NLRC5: variants seen among roughly 807,000 people sequenced by gnomAD.
The protein encoded by NLRC5 is protein NLRC5.
NLRC5 carries 114 observed loss-of-function variants against 206.9 expected under a neutral mutation model. The observed-to-expected ratio is 0.55, with a 90% confidence interval of 0.47 to 0.64. The LOEUF (loss-of-function observed/expected upper bound fraction) is 0.64. Ranked by LOEUF, NLRC5 falls within the 30% of genes least tolerant of loss-of-function variation. NLRC5 has a pLI of 0.00. For synonymous variants in NLRC5, 952 were observed against 962.8 expected (o/e 0.99, Z 0.21); for missense variants, 2,008 against 2,305.5 (o/e 0.87, Z 2.64).
chr16:57,057,996 G>C (rs1371202704), intron 27 of NLRC5, 69 bp from the exon 28 acceptor site: 2 of 1,269,626 alleles, frequency 1.6e-6, no homozygotes, highest in Non-Finnish European at 2.3e-6. Flanking sequence ...GCAGGCTCCT[G>C]GTGACTGAGG....
intron 5 of NLRC5, among the ~76,000 whole-genome samples, chr16:57,024,609 C>T (rs2061062640): frequency 6.6e-6 from 1 of 152,222 alleles, no homozygotes; most frequent in Non-Finnish European, 1.5e-5. Context: ...ATCGGTAATG[C>T]CTAGGCCTAC....
rs1369918359 is a variant in NLRC5, at chr16:57,070,629, A to T, written c.4667+11A>T. 3.1e-6 allele frequency: 5 copies of T among 1,610,162 alleles called. No individual in the cohort carries two copies. Among genetic ancestry groups the T allele is most frequent in the Non-Finnish European group, 4.2e-6 (5 of 1,177,174 alleles). ...GCTAAAGAGGCTGGAGTAAGTAGTG[A>T]TGGTGGTTGTGGGTGAGTGAGTGGT... On this transcript the variant is annotated intron_variant, in intron 38 of 48. Transcript: ENST00000688547.
At chr16:57,045,983 C>T (rs149589500) in intron 21 of NLRC5, among the ~76,000 whole-genome samples, 3 of 152,348 alleles carry the variant, frequency 2.0e-5, no homozygotes, top group African/African-American at 7.2e-5. Flanking sequence ...CTAGTGGGAC[C>T]AGGCCTCTTG....
chr16:57,082,356 G>T (rs995299311), intron 48 of NLRC5, 61 bp from the exon 49 acceptor site: 1 of 1,347,156 alleles, frequency 7.4e-7, no homozygotes, highest in African/African-American at 1.4e-5. Flanking sequence ...CTCCCAATCT[G>T]CAGATACGAC....
intron 2 of NLRC5, among the ~76,000 whole-genome samples, chr16:57,017,771 A>C (rs2060239570): frequency 6.6e-6 from 1 of 152,258 alleles, no homozygotes; most frequent in Non-Finnish European, 1.5e-5. Flanking sequence ...AGCAAGTTTC[A>C]TGGCTGTGCC....
At chr16:57,024,360 C>T (rs957518930) in intron 5 of NLRC5, among the ~76,000 whole-genome samples, 1 of 152,196 alleles carries the variant, frequency 6.6e-6, no homozygotes, top group Non-Finnish European at 1.5e-5. Flanking sequence ...TCAGAATGGT[C>T]CTCGTTCTCC....
rs188766091 is a variant in NLRC5 at position 57,082,743 on chromosome 16, G to A, written c.*215G>A. ...TGGACAAAGGAGTACCCTGCATTAC[G>A]TGGGATATGTGTGATCAATTGGGGA... On this transcript the variant is annotated 3_prime_UTR_variant, in exon 49 of 49. Coordinates refer to ENST00000688547, the MANE Select transcript of NLRC5 (RefSeq NM_001384950.1). The A allele has an allele frequency of 6.4e-5, 31 of 484,020 alleles. No individual in the cohort carries two copies. Among genetic ancestry groups the A allele is most frequent in the African/African-American group, 9.8e-5 (5 of 51,246 alleles). 30.0% of individuals were successfully genotyped at this position (484,020 alleles called of 1,614,324 possible).
chr16:57,026,035 G>A lies in NLRC5; in HGVS notation c.1092G>A (p.Met364Ile), dbSNP rs575248573. The A allele has an allele frequency of 3.7e-6, 6 of 1,614,040 alleles. No homozygotes were observed. In the Admixed American group the frequency reaches 8.3e-5, roughly 22 times the overall value. Reference sequence around the variant, plus strand: ...CTGCAGAGGCAGCCATGGTCCACATGTTGGGCTTTGATGGGCCACGGGTGG... The same window carrying A: ...CTGCAGAGGCAGCCATGGTCCACATATTGGGCTTTGATGGGCCACGGGTGG... ...CLPAEAAMVH[M>I]LGFDGPRVEE... is the part of the protein sequence containing the mutation. Residue 364 changes from methionine to isoleucine, a missense_variant, in exon 6 of 49, where the codon ATG becomes ATA. By Grantham distance (10) the Met-to-Ile change is conservative. Transcript: ENST00000688547.
chr16:57,077,636 C>A, intron 41 of NLRC5, 83 bp from the exon 42 acceptor site: 1 of 1,369,180 alleles, frequency 7.3e-7, no homozygotes, highest in Non-Finnish European at 1.0e-6. Flanking sequence ...CCCCCTGAAG[C>A]AGGGGTGGCA....
chr16:57,040,682 T>A lies in NLRC5; in HGVS notation c.2903T>A (p.Met968Lys). The A allele has an allele frequency of 6.2e-7, 1 of 1,614,170 alleles. No individual in the cohort carries two copies. The highest frequency in any genetic ancestry group is 8.5e-7 in the Non-Finnish European group (1 of 1,180,006). Residue 968 changes from methionine (M) to lysine (K), a missense_variant, in exon 17 of 49, where the codon ATG becomes AAG. Transcript: ENST00000688547. ...AAFLDSLMLQ[M>K]PSELPLSSRR... Reference sequence around the variant, plus strand: ...TTTCTTGACAGCCTCATGCTCCAGATGCCCTCTGAGCTGCCTCTGAGCTCC... The same window carrying A: ...TTTCTTGACAGCCTCATGCTCCAGAAGCCCTCTGAGCTGCCTCTGAGCTCC...
At chr16:57,000,379 C>T (rs1301090704) in intron 1 of NLRC5, among the ~76,000 whole-genome samples, 1 of 152,164 alleles carries the variant, frequency 6.6e-6, no homozygotes, top group African/African-American at 2.4e-5. Flanking sequence ...AGTTTAAAGA[C>T]TAGTGATGTG....
rs369396098 is a variant in NLRC5, at chr16:57,024,965, G to A, written c.425-403G>A. Among the ~76,000 whole-genome samples the A allele has an allele frequency of 2.4e-3, 361 of 152,228 alleles. 1 individual carries two copies. The highest frequency in any genetic ancestry group is 0.01 in the Middle Eastern group (3 of 294). On this transcript the variant is annotated intron_variant, in intron 5 of 48. Transcript: ENST00000688547. ...TTTGCGGCTACAGTAAGCTAGGATC[G>A]TGCCACTGCACTGGAGCCTGGGCAA...
intron 3 of NLRC5, chr16:57,021,220 G>A (rs1406328423): frequency 3.0e-5 from 15 of 506,330 alleles, no homozygotes; most frequent in Admixed American, 1.3e-4. Flanking sequence ...GGCTTCACTC[G>A]AATTGCTCGA....
intron 1 of NLRC5, among the ~76,000 whole-genome samples, chr16:57,015,944 A>AG (rs201271178): frequency 0.28 from 33,042 of 119,408 alleles, 5,032 homozygotes; most frequent in Non-Finnish European, 0.35. Flanking sequence ...AAAAAAAAAA[A>AG]AAAAGAAAGA....
rs576677866 is a variant in NLRC5 at position 57,082,810 on chromosome 16, G to A, written c.*282G>A. ...AGGGTGTCATGACAATGCATGACAC[G>A]TACGGTTATATGTGGCAGTGTGACC... is the stretch of plus-strand genomic sequence containing the variant. On this transcript the variant is annotated 3_prime_UTR_variant, in exon 49 of 49. Coordinates refer to ENST00000688547, the MANE Select transcript of NLRC5 (RefSeq NM_001384950.1). 3.9e-5 allele frequency: 13 copies of A among 336,320 alleles called. No homozygotes were observed. The highest frequency in any genetic ancestry group is 8.4e-5 in the African/African-American group (4 of 47,592). 20.8% of individuals were successfully genotyped at this position (336,320 alleles called of 1,614,324 possible).
intron 20 of NLRC5, among the ~76,000 whole-genome samples, chr16:57,043,993 G>A (rs538015223): frequency 8.6e-5 from 13 of 151,942 alleles, no homozygotes; most frequent in Admixed American, 4.6e-4. Context: ...TTGGTATGCT[G>A]CAGAGACTTT....
Position 57,066,614 on chromosome 16 carries a change from G to C in NLRC5, c.4322G>C (p.Arg1441Thr). The change falls in exon 34 of 49, where the codon AGG (arginine) becomes ACG (threonine). Residue 1441 changes from arginine to threonine, a missense_variant and splice_region_variant. Coordinates refer to ENST00000688547, the MANE Select transcript of NLRC5 (RefSeq NM_001384950.1). The part of the protein sequence containing the change: ...QEENPEAVAL[R>T]LAHCDLGAHH... ...GAGAATCCAGAAGCTGTGGCACTCA[G>C]GTGGGACCCAGCACCAGGGACCCCA... 6.2e-7 allele frequency: 1 copy of C among 1,613,682 alleles called. No homozygotes were observed. Among genetic ancestry groups the C allele is most frequent in the Non-Finnish European group, 8.5e-7 (1 of 1,179,740 alleles).
chr16:57,059,542 G>A lies in NLRC5; in HGVS notation c.3986+10G>A. ...CTGGGAAGACACTCAGGTAATCCCT[G>A]CAGGGTGATGGGACAGGGGACAGAG... On this transcript the variant is annotated intron_variant, in intron 30 of 48. Transcript: ENST00000688547. 6.2e-7 allele frequency: 1 copy of A among 1,606,130 alleles called. No individual in the cohort carries two copies. Among genetic ancestry groups the A allele is most frequent in the Non-Finnish European group, 8.5e-7 (1 of 1,175,354 alleles).
At chr16:57,013,545 A>T in intron 1 of NLRC5, 3 of 986,344 alleles carry the variant, frequency 3.0e-6, no homozygotes, top group Non-Finnish European at 4.9e-6. Flanking sequence ...TTAACTTCAG[A>T]AGTCGAGAGA....
Sources: gnomAD v4.1 joint callset for allele counts (sites outside exome capture counted in the v4.1 genomes callset) on GRCh38, gnomAD v4.1.1 for gene constraint, MANE v1.5 for transcripts, NCBI Gene and HGNC (gene_info 2026-07-23, HGNC 2026-07-21) for gene names.